CTNNA2: variants seen among roughly 807,000 people sequenced by gnomAD.
The protein encoded by CTNNA2 is catenin alpha 2, also known as catenin alpha-2.
Under a neutral mutation model 101.0 loss-of-function variants are expected in CTNNA2, and 42 were observed. That is an observed-to-expected ratio of 0.42 (90% CI 0.32 to 0.54). The LOEUF is 0.54. Among genes scored for constraint, CTNNA2 ranks in the 20% least tolerant of loss-of-function variants. The probability of loss-of-function intolerance (pLI) is 0.14; values close to 1 mark genes in which losing one functional copy is unlikely to be tolerated. For missense variants in CTNNA2, 871 were observed against 1,223.1 expected (o/e 0.71, Z 4.29); for synonymous variants, 450 against 456.4 (o/e 0.99, Z 0.18).
At chr2:80,390,959 G>A (rs980016400) in intron 7 of CTNNA2, among the ~76,000 whole-genome samples, 3 of 151,756 alleles carry the variant, frequency 2.0e-5, no homozygotes, top group Non-Finnish European at 4.4e-5. Flanking sequence ...GTGAAATCCT[G>A]TCTCTACTAA....
chr2:80,212,380 G>A (rs952332250), intron 7 of CTNNA2, among the ~76,000 whole-genome samples: 1 of 152,136 alleles, frequency 6.6e-6, no homozygotes, highest in Non-Finnish European at 1.5e-5. Context: ...TTATTATTTT[G>A]AGATATGTCC....
intron 3 of CTNNA2, among the ~76,000 whole-genome samples, chr2:79,748,015 A>G (rs1025285562): frequency 1.3e-5 from 2 of 152,224 alleles, no homozygotes; most frequent in Admixed American, 1.3e-4. Context: ...CATACACTGC[A>G]CATGCCTCTC....
chr2:80,128,827 T>TC (rs1702266049), intron 7 of CTNNA2, among the ~76,000 whole-genome samples: 2 of 152,210 alleles, frequency 1.3e-5, no homozygotes, highest in Middle Eastern at 3.4e-3. Context: ...TTGGGAGTCG[T>TC]CACCAGGCCA....
intron 4 of CTNNA2, among the ~76,000 whole-genome samples, chr2:79,432,975 C>T (rs905050048): frequency 1.3e-5 from 2 of 152,134 alleles, no homozygotes; most frequent in Non-Finnish European, 2.9e-5. Context: ...CTGGGCTGTC[C>T]CTGTTTGTCA....
chr2:80,642,382 G>T (rs150363776), intron 18 of CTNNA2, among the ~76,000 whole-genome samples: 2 of 152,214 alleles, frequency 1.3e-5, no homozygotes, highest in East Asian at 1.9e-4. Flanking sequence ...TTTAGTTTGT[G>T]TCTATTTTTC....
At chr2:79,479,485 A>G (rs1671085714) in intron 4 of CTNNA2, among the ~76,000 whole-genome samples, 1 of 152,258 alleles carries the variant, frequency 6.6e-6, no homozygotes, top group African/African-American at 2.4e-5. Flanking sequence ...GTGAAAATTT[A>G]AATACAATTA....
intron 2 of CTNNA2, among the ~76,000 whole-genome samples, chr2:79,221,249 T>C (rs1674341837): frequency 6.6e-6 from 1 of 152,204 alleles, no homozygotes; most frequent in Admixed American, 6.5e-5. Flanking sequence ...GCTCCTGGGC[T>C]CTGGCGATCT....
rs775079364 is a variant in CTNNA2 at position 80,303,846 on chromosome 2, G to A, written c.1057-89365G>A. On this transcript the variant is annotated intron_variant, in intron 7 of 18. Coordinates refer to ENST00000402739, the MANE Select transcript of CTNNA2 (RefSeq NM_001282597.3). The surrounding 1 kb of genome is among the most constrained non-coding windows in gnomAD (Gnocchi z 7.7). ...AGCGAGAATCTTTCCAGAGAGACTG[G>A]AGAATGTCCATTGGAAGCGCTCGGT... 6 of 1,490,138 alleles carry A rather than the reference G, an allele frequency of 4.0e-6. No homozygotes were observed. The African/African-American group carries it at 8.4e-5, about 21-fold the overall frequency. 92.3% of individuals were successfully genotyped at this position (1,490,138 alleles called of 1,614,324 possible). A position where few individuals can be genotyped will look rare whatever the true frequency, so the allele number is the denominator to read the frequency against.
rs1681957169 is a variant in CTNNA2, at chr2:79,660,438, A to C, written c.102+8780A>C. Reference sequence around the variant, plus strand: ...ATAAGTAACTAAGTTGTGATTTATAAATTTACCTGTATTACATATATTAAT... The same window carrying C: ...ATAAGTAACTAAGTTGTGATTTATACATTTACCTGTATTACATATATTAAT... On this transcript the variant is annotated intron_variant, in intron 2 of 18. Transcript: ENST00000402739. Among the ~76,000 whole-genome samples, 3 of 151,714 alleles carry C rather than the reference A, an allele frequency of 2.0e-5. No individual in the cohort carries two copies. In the South Asian group the frequency reaches 6.2e-4, roughly 32 times the overall value.
chr2:80,590,690 T>G (rs960004035), intron 15 of CTNNA2, among the ~76,000 whole-genome samples: 1 of 152,170 alleles, frequency 6.6e-6, no homozygotes, highest in Non-Finnish European at 1.5e-5. Context: ...TGGCCCTTTT[T>G]CCCAATATTT....
intron 1 of CTNNA2, among the ~76,000 whole-genome samples, chr2:79,528,421 A>G (rs1230736728): frequency 2.0e-5 from 3 of 151,960 alleles, no homozygotes. Context: ...GTCTTGCTGT[A>G]TTGCCCAGAC....
chr2:79,640,102 T>C (rs1382697715), intron 1 of CTNNA2, among the ~76,000 whole-genome samples: 2 of 152,224 alleles, frequency 1.3e-5, no homozygotes, highest in East Asian at 3.9e-4. Context: ...GCACAAAACT[T>C]AGGTAAATCA....
intron 7 of CTNNA2, among the ~76,000 whole-genome samples, chr2:79,931,440 C>T (rs1687434365): frequency 6.6e-6 from 1 of 152,068 alleles, no homozygotes; most frequent in Non-Finnish European, 1.5e-5. Context: ...TTAGATTCCA[C>T]ATATAAGTGA....
chr2:80,174,769 C>T (rs145807595), intron 7 of CTNNA2, among the ~76,000 whole-genome samples: 147 of 152,236 alleles, frequency 9.7e-4, no homozygotes, highest in African/African-American at 3.5e-3. Flanking sequence ...ATATCACTTC[C>T]ATGTCAGAGT....
chr2:79,877,942 A>G (rs1574205441), intron 6 of CTNNA2, among the ~76,000 whole-genome samples: 1 of 151,918 alleles, frequency 6.6e-6, no homozygotes, highest in African/African-American at 2.4e-5. Context: ...GCACCTATTG[A>G]CCCATCCACT....
chr2:79,925,106 G>A (rs1018585201), intron 7 of CTNNA2, among the ~76,000 whole-genome samples: 4 of 151,948 alleles, frequency 2.6e-5, no homozygotes, highest in Non-Finnish European at 4.4e-5. Flanking sequence ...ATCTCTCCCA[G>A]TATATTTAGA....
chr2:80,456,124 A>G (rs1190844173), intron 9 of CTNNA2, among the ~76,000 whole-genome samples: 1 of 152,164 alleles, frequency 6.6e-6, no homozygotes, highest in Non-Finnish European at 1.5e-5. Flanking sequence ...CGGATGTGGG[A>G]TGTGCTGAAT....
chr2:79,420,987 G>A (rs1486744486), intron 4 of CTNNA2, among the ~76,000 whole-genome samples: 2 of 152,162 alleles, frequency 1.3e-5, no homozygotes, highest in Middle Eastern at 3.4e-3. Flanking sequence ...ATCTTTTTGA[G>A]CTGATGCATG....
intron 1 of CTNNA2, among the ~76,000 whole-genome samples, chr2:79,610,559 G>T (rs185838767): frequency 2.0e-5 from 3 of 152,134 alleles, no homozygotes; most frequent in Admixed American, 2.0e-4. Context: ...TAAGGACCTG[G>T]ATGACTCTCA....
Sources: gnomAD v4.1 joint callset for allele counts (sites outside exome capture counted in the v4.1 genomes callset) on GRCh38, gnomAD v4.1.1 for gene constraint, Gnocchi (gnomAD v3.1) non-coding constraint, MANE v1.5 for transcripts, NCBI Gene and HGNC (gene_info 2026-07-23, HGNC 2026-07-21) for gene names.